The following CFAP54 variants were observed in gnomAD, a reference collection of about 807,000 sequenced individuals.
CFAP54 encodes cilia and flagella associated protein 54, also known as cilia- and flagella-associated protein 54.
Under a neutral mutation model 370.4 loss-of-function variants are expected in CFAP54, and 290 were observed. That is an observed-to-expected ratio of 0.78 (90% confidence interval 0.71 to 0.86). The LOEUF (loss-of-function observed/expected upper bound fraction) is 0.86, where lower values mean the gene tolerates loss of function less well. CFAP54 is among the 40% of genes least tolerant of loss of function. The probability of loss-of-function intolerance (pLI) is 0.00; values close to 1 mark genes in which losing one functional copy is unlikely to be tolerated. For synonymous variants in CFAP54, 1,206 were observed against 1,236.5 expected (o/e 0.98, Z 0.52); for missense variants, 3,399 against 3,528.7 (o/e 0.96, Z 0.93).
At chr12:96,679,499 A>T in intron 39 of CFAP54, 101 bp from the exon 40 acceptor site, 2 of 1,276,570 alleles carry the variant, frequency 1.6e-6, no homozygotes, top group Non-Finnish European at 2.1e-6. Flanking sequence ...TAGCGGCTTT[A>T]GGTTGGGACC....
intron 63 of CFAP54, among the ~76,000 whole-genome samples, chr12:96,796,557 A>G (rs893330398): frequency 7.9e-5 from 12 of 152,146 alleles, no homozygotes; most frequent in African/African-American, 2.9e-4. Flanking sequence ...GTACTAGTGT[A>G]CTGGTTTTCG....
rs1958635179 is a variant in CFAP54, at chr12:96,786,879, T to G, written c.8660T>G (p.Leu2887Ter). 6.5e-7 allele frequency: 1 copy of G among 1,532,440 alleles called. No individual in the cohort carries two copies. Among genetic ancestry groups the G allele is most frequent in the African/African-American group, 1.4e-5 (1 of 72,818 alleles). 94.9% of individuals were successfully genotyped at this position (1,532,440 alleles called of 1,614,324 possible). Residue 2887 changes from leucine (L) to a stop codon, truncating the protein, a stop_gained, in exon 62 of 68, where the codon TTA (leucine) becomes TGA (stop). Coordinates refer to ENST00000524981, the MANE Select transcript of CFAP54 (RefSeq NM_001306084.2). LOFTEE classifies it high-confidence loss of function. Reference protein sequence around the residue: ...LENPPLSEKDLRESSAKLYRD... With the variant: ...LENPPLSEKD ...AATCCCCCTCTTTCAGAAAAAGACTTACGTGAATCATCTGCCAAGGTAACG... is the reference window on the plus strand; with the variant it reads ...AATCCCCCTCTTTCAGAAAAAGACTGACGTGAATCATCTGCCAAGGTAACG...
intron 1 of CFAP54, among the ~76,000 whole-genome samples, chr12:96,493,623 C>A (rs920239080): frequency 5.3e-5 from 8 of 152,102 alleles, no homozygotes; most frequent in African/African-American, 1.9e-4. Flanking sequence ...ATAGTGAAAC[C>A]CTGTCTCTAC....
At chr12:96,794,768 C>A (rs1318370517) in intron 63 of CFAP54, among the ~76,000 whole-genome samples, 1 of 152,104 alleles carries the variant, frequency 6.6e-6, no homozygotes, top group Non-Finnish European at 1.5e-5. Flanking sequence ...GGTTTGGATC[C>A]ATTGCTGGTG....
In CFAP54 at chr12:96,860,793, A is replaced by C. The variant is rs189898927; in HGVS notation, c.9172-26A>C. 6.0e-6 allele frequency: 9 copies of C among 1,500,572 alleles called. No individual in the cohort carries two copies. The South Asian group carries it at 9.1e-5, about 15-fold the overall frequency. The allele number at this position is 1,500,572 out of a possible 1,614,324, so 93.0% of individuals were successfully genotyped here. On this transcript the variant is annotated intron_variant, in intron 66 of 67. Transcript: ENST00000524981. ...TCAACAGTTTGAAACAATGCATTTCATGAACACTTTTATGTTTTTCCTCAG... is the reference window on the plus strand; with the variant it reads ...TCAACAGTTTGAAACAATGCATTTCCTGAACACTTTTATGTTTTTCCTCAG...
intron 23 of CFAP54, among the ~76,000 whole-genome samples, chr12:96,591,878 G>A (rs1956128307): frequency 1.4e-5 from 2 of 145,468 alleles, no homozygotes; most frequent in Admixed American, 6.9e-5. Flanking sequence ...GCGACAGAGC[G>A]AAACTCCGTC....
At chr12:96,651,886 T>A in intron 36 of CFAP54, 71 bp downstream of exon 36, 1 of 916,626 alleles carries the variant, frequency 1.1e-6, no homozygotes, top group Non-Finnish European at 1.6e-6. Flanking sequence ...TTGGTATAAG[T>A]AGAAACTGTT....
chr12:96,800,776 T>G (rs1484073351), intron 63 of CFAP54, among the ~76,000 whole-genome samples: 1 of 152,204 alleles, frequency 6.6e-6, no homozygotes, highest in Non-Finnish European at 1.5e-5. Flanking sequence ...TCAAAGCACT[T>G]TACTTACATC....
intron 38 of CFAP54, among the ~76,000 whole-genome samples, chr12:96,662,287 C>CTCTGCCCCT (rs1229055156): frequency 6.6e-6 from 1 of 152,162 alleles, no homozygotes; most frequent in Non-Finnish European, 1.5e-5. Context: ...TCGCTGCAAC[C>CTCTGCCCCT]TCTGCCTCCT....
At chr12:96,539,500 C>A (rs996604174) in intron 13 of CFAP54, among the ~76,000 whole-genome samples, 1 of 151,690 alleles carries the variant, frequency 6.6e-6, no homozygotes, top group African/African-American at 2.4e-5. Flanking sequence ...ATGGTGAAAA[C>A]CCCGTCTCTA....
rs190771054 is a variant in CFAP54 at position 96,689,484 on chromosome 12, A to G, written c.6081+502A>G. Among the ~76,000 whole-genome samples the G allele has an allele frequency of 2.0e-5, 3 of 152,272 alleles. No individual in the cohort carries two copies. In the East Asian group the frequency reaches 5.8e-4, roughly 29 times the overall value. On this transcript the variant is annotated intron_variant, in intron 43 of 67. Coordinates refer to ENST00000524981, the MANE Select transcript of CFAP54 (RefSeq NM_001306084.2). ...CCCACCTTTAATATTTAACAGAGTC[A>G]GTTTTCTCCTTTACACTGCAGAAGA...
At chr12:96,623,163 G>T (rs1298107323) in intron 27 of CFAP54, among the ~76,000 whole-genome samples, 2 of 146,644 alleles carry the variant, frequency 1.4e-5, no homozygotes, top group African/African-American at 5.0e-5. Context: ...GCTACTCAAG[G>T]TTCCTTTAAG....
chr12:96,679,667 A>G lies in CFAP54; in HGVS notation c.5631A>G (p.Arg1877=), dbSNP rs774170427. 85 of 1,613,898 alleles carry G rather than the reference A, an allele frequency of 5.3e-5. No individual in the cohort carries two copies. Among genetic ancestry groups the G allele is most frequent in the Non-Finnish European group, 6.9e-5 (82 of 1,179,940 alleles). ...TGACAGACACCTTGAGGTGTTTTAG[A>G]GAGACACTGGAAAAATCCAAATACC... The part of the protein sequence containing the change: ...VDVTDTLRCF[R]ETLEKSKYHN... The change falls in exon 40 of 68, where the codon AGA becomes AGG. Residue 1877 remains arginine (R), a synonymous_variant. Transcript: ENST00000524981.
At chr12:96,853,215 C>T (rs941561853) in intron 66 of CFAP54, among the ~76,000 whole-genome samples, 1 of 152,064 alleles carries the variant, frequency 6.6e-6, no homozygotes, top group African/African-American at 2.4e-5. Flanking sequence ...AATTGTATTA[C>T]ATTCATACAA....
chr12:96,492,413 G>A (rs1954894552), intron 1 of CFAP54, among the ~76,000 whole-genome samples: 1 of 152,126 alleles, frequency 6.6e-6, no homozygotes, highest in South Asian at 2.1e-4. Flanking sequence ...CATCTTTGTT[G>A]TCTGAATGTT....
chr12:96,593,685 T>C lies in CFAP54; in HGVS notation c.3361-606T>C, dbSNP rs185615051. On this transcript the variant is annotated intron_variant, in intron 24 of 67. Coordinates refer to ENST00000524981, the MANE Select transcript of CFAP54 (RefSeq NM_001306084.2). Reference sequence around the variant, plus strand: ...CAGACAGTTTCTTTATACATAATCTTGAATATATATATATAGAAAAATAAT... The same window carrying C: ...CAGACAGTTTCTTTATACATAATCTCGAATATATATATATAGAAAAATAAT... Among the ~76,000 whole-genome samples, 221 of 149,306 alleles carry C rather than the reference T, an allele frequency of 1.5e-3. 1 individual carries two copies. The highest frequency in any genetic ancestry group is 4.9e-3 in the African/African-American group (202 of 40,948).
At chr12:96,729,971 A>G (rs751812950) in intron 50 of CFAP54, among the ~76,000 whole-genome samples, 34 of 152,204 alleles carry the variant, frequency 2.2e-4, no homozygotes, top group Non-Finnish European at 4.1e-4. Context: ...TACAGAGAGC[A>G]AATGTGATGT....
At chr12:96,681,357 G>A (rs1259483954) in intron 40 of CFAP54, among the ~76,000 whole-genome samples, 1 of 144,866 alleles carries the variant, frequency 6.9e-6, no homozygotes, top group Non-Finnish European at 1.5e-5. Context: ...CTTATAAAGA[G>A]ACAAGGTTTT....
At chr12:96,725,597 G>C (rs1243516304) in intron 50 of CFAP54, among the ~76,000 whole-genome samples, 3 of 152,058 alleles carry the variant, frequency 2.0e-5, no homozygotes, top group Non-Finnish European at 4.4e-5. Context: ...GGGTTTTCTA[G>C]ATATACAATC....
Sources: allele counts gnomAD v4.1 joint callset (sites outside exome capture counted in the v4.1 genomes callset), GRCh38; gene constraint gnomAD v4.1.1; transcripts MANE v1.5; gene names NCBI Gene and HGNC (gene_info 2026-07-23, HGNC 2026-07-21).